The following HGF variants were observed in gnomAD, a reference collection of about 807,000 sequenced individuals.
HGF encodes the protein fibroblast-derived tumor cytotoxic factor.
In HGF, 39 loss-of-function variants were observed where a neutral mutation model predicts 111.6. The ratio of observed to expected loss-of-function variants is 0.35; its 90% CI spans 0.27 to 0.46. HGF has a LOEUF of 0.46. Ranked by LOEUF, HGF falls within the 20% of genes least tolerant of loss-of-function variation. The probability of loss-of-function intolerance (pLI) is 1.00; values close to 1 mark genes in which losing one functional copy is unlikely to be tolerated. For synonymous variants in HGF, 285 were observed against 294.8 expected (o/e 0.97, Z 0.34); for missense variants, 735 against 910.5 (o/e 0.81, Z 2.48).
intron 2 of HGF, among the ~76,000 whole-genome samples, chr7:81,760,234 G>T (rs1015965839): frequency 6.6e-6 from 1 of 152,054 alleles, no homozygotes; most frequent in Non-Finnish European, 1.5e-5. Flanking sequence ...TTTGTTGATG[G>T]CAGGAAGGCA....
At chr7:81,730,888 T>C (rs1787632930) in intron 7 of HGF, among the ~76,000 whole-genome samples, 1 of 152,216 alleles carries the variant, frequency 6.6e-6, no homozygotes, top group Non-Finnish European at 1.5e-5. Context: ...GTTTAAGATT[T>C]GAGTAAATTT....
chr7:81,715,034 A>C (rs2115831602), intron 11 of HGF, among the ~76,000 whole-genome samples: 1 of 152,188 alleles, frequency 6.6e-6, no homozygotes, highest in Non-Finnish European at 1.5e-5. Flanking sequence ...TAGTTGAAAA[A>C]ATTTTTTGAA....
At chr7:81,768,630 C>A (rs1381427250) in intron 1 of HGF, among the ~76,000 whole-genome samples, 1 of 152,260 alleles carries the variant, frequency 6.6e-6, no homozygotes, top group Admixed American at 6.5e-5. Context: ...CTGCCCGCCT[C>A]GGCCTCCCAA....
chr7:81,745,183 T>C, intron 5 of HGF, 63 bp from the exon 6 acceptor site: 1 of 1,577,346 alleles, frequency 6.3e-7, no homozygotes, highest in Non-Finnish European at 8.7e-7. Flanking sequence ...ACACCACTGT[T>C]GCATTTAAAG....
At chr7:81,738,560 G>T (rs186607995) in intron 7 of HGF, among the ~76,000 whole-genome samples, 1 of 152,148 alleles carries the variant, frequency 6.6e-6, no homozygotes, top group African/African-American at 2.4e-5. Flanking sequence ...GCACACATTT[G>T]TCAGACAATG....
intron 13 of HGF, among the ~76,000 whole-genome samples, chr7:81,709,746 T>C (rs1450913883): frequency 6.6e-6 from 1 of 152,184 alleles, no homozygotes; most frequent in African/African-American, 2.4e-5. Flanking sequence ...AATATAAATG[T>C]TTTGACATGA....
intron 4 of HGF, chr7:81,755,074 C>A (rs938923388): frequency 1.5e-4 from 23 of 151,920 alleles, no homozygotes; most frequent in African/African-American, 5.6e-4. Context: ...CACTGTGTTC[C>A]TAGGAAACTT....
intron 14 of HGF, 126 bp downstream of exon 14, chr7:81,707,164 G>C (rs576067245): frequency 1.5e-6 from 1 of 664,102 alleles, no homozygotes; most frequent in Non-Finnish European, 2.7e-6. Context: ...TTCTAAAAAT[G>C]AAATAATTTG....
At chr7:81,705,307 T>A in intron 17 of HGF, 83 bp downstream of exon 17, 1 of 1,383,734 alleles carries the variant, frequency 7.2e-7, no homozygotes, top group South Asian at 1.2e-5. Flanking sequence ...TATTTTTGAT[T>A]TGAGAAAAAT....
intron 17 of HGF, among the ~76,000 whole-genome samples, chr7:81,703,213 CATT>C (rs1469620692): frequency 6.7e-6 from 1 of 149,910 alleles, no homozygotes; most frequent in Non-Finnish European, 1.5e-5. Flanking sequence ...AATTAAACTG[CATT>C]ATATTTTTTC....
intron 17 of HGF, 21 bp downstream of exon 17, chr7:81,705,369 A>G (rs192932545): frequency 1.2e-6 from 2 of 1,608,544 alleles, no homozygotes; most frequent in Middle Eastern, 1.7e-4. Flanking sequence ...CATACTCCTT[A>G]TTAAAGAACT....
intron 7 of HGF, among the ~76,000 whole-genome samples, chr7:81,737,288 G>C (rs1787862428): frequency 6.6e-6 from 1 of 151,946 alleles, no homozygotes; most frequent in Non-Finnish European, 1.5e-5. Context: ...AGAAAATCAG[G>C]GTAAAAGATA....
chr7:81,744,577 C>A (rs1275235247), intron 6 of HGF, among the ~76,000 whole-genome samples: 3 of 152,134 alleles, frequency 2.0e-5, no homozygotes, highest in South Asian at 4.1e-4. Context: ...AGTAACAATA[C>A]CTCTAATCAC....
chr7:81,767,460 G>C (rs1789420906), intron 1 of HGF, among the ~76,000 whole-genome samples: 1 of 152,012 alleles, frequency 6.6e-6, no homozygotes, highest in Admixed American at 6.6e-5. Flanking sequence ...TTTACTACTT[G>C]GTTCATATCA....
chr7:81,728,353 T>C (rs551351093), intron 8 of HGF, among the ~76,000 whole-genome samples: 2 of 152,362 alleles, frequency 1.3e-5, no homozygotes, highest in South Asian at 2.1e-4. Flanking sequence ...ATATCCATTC[T>C]GTTTTTCTTA....
At chr7:81,766,021 G>A (rs1789339363) in intron 1 of HGF, among the ~76,000 whole-genome samples, 1 of 152,108 alleles carries the variant, frequency 6.6e-6, no homozygotes, top group South Asian at 2.1e-4. Flanking sequence ...TCCCAGTATG[G>A]GAAAACATTC....
At chr7:81,753,211 A>G (rs1488160798) in intron 4 of HGF, among the ~76,000 whole-genome samples, 1 of 152,090 alleles carries the variant, frequency 6.6e-6, no homozygotes, top group African/African-American at 2.4e-5. Flanking sequence ...GAAAAGGCCA[A>G]GTCTTTTTTA....
Position 81,711,528 on chromosome 7 carries a change from A to G in HGF, c.1406-9T>C. On this transcript the variant is annotated splice_polypyrimidine_tract_variant and intron_variant, in intron 11 of 17. Transcript: ENST00000222390. ...TGTGGTATCACCTTCACCTGTAAAA[A>G]TAAATGTATAGATAAATACACAATT... 1 of 1,286,340 alleles carries G rather than the reference A, an allele frequency of 7.8e-7. No individual in the cohort carries two copies. The highest frequency in any genetic ancestry group is 1.1e-6 in the Non-Finnish European group (1 of 897,334). 79.7% of individuals were successfully genotyped at this position (1,286,340 alleles called of 1,614,324 possible).
intron 14 of HGF, 102 bp downstream of exon 14, chr7:81,707,188 T>A: frequency 1.4e-6 from 1 of 722,938 alleles, no homozygotes; most frequent in Non-Finnish European, 2.5e-6. Flanking sequence ...ACCCCATTTG[T>A]GAATCTCTGT....
Sources: allele counts gnomAD v4.1 joint callset (sites outside exome capture counted in the v4.1 genomes callset), GRCh38; gene constraint gnomAD v4.1.1; transcripts MANE v1.5; gene names NCBI Gene and HGNC (gene_info 2026-07-23, HGNC 2026-07-21).